The following RELN variants were observed in gnomAD, a reference collection of about 807,000 sequenced individuals.
The protein encoded by RELN is reelin.
A neutral mutation model predicts 427.6 loss-of-function variants in RELN; 108 were observed. That is an observed-to-expected ratio of 0.25 (90% confidence interval 0.22 to 0.30). The LOEUF is 0.30. Ranked by LOEUF, RELN falls within the 10% of genes least tolerant of loss-of-function variation. The pLI, the probability that RELN is intolerant of heterozygous loss-of-function variation, is 1.00. For missense variants in RELN, 3,715 were observed against 4,302.8 expected, an observed-to-expected ratio of 0.86 and a Z score of 3.82; for synonymous variants, 1,524 against 1,513.4, an observed-to-expected ratio of 1.01 and a Z score of -0.16.
At chr7:103,922,294 C>T (rs1795631762) in intron 1 of RELN, among the ~76,000 whole-genome samples, 1 of 152,068 alleles carries the variant, frequency 6.6e-6, no homozygotes, top group Non-Finnish European at 1.5e-5. Context: ...TTGGATTTTA[C>T]ATTTAACCAT....
rs186101234 is a variant in RELN at position 103,532,061 on chromosome 7, C to T, written c.7349+3255G>A. Among the ~76,000 whole-genome samples, 70 of 152,240 alleles carry T rather than the reference C, an allele frequency of 4.6e-4. 1 individual carries two copies. Among genetic ancestry groups the T allele is most frequent in the South Asian group, 8.3e-4 (4 of 4,822 alleles). ...AACCTAATAGCCCATCAATGATAGA[C>T]TGGATAAAGAAAATGTGGTACATAT... On this transcript the variant is annotated intron_variant, in intron 46 of 64. Coordinates refer to ENST00000428762, the MANE Select transcript of RELN (RefSeq NM_005045.4).
intron 46 of RELN, among the ~76,000 whole-genome samples, chr7:103,532,504 A>T (rs190908797): frequency 2.0e-5 from 3 of 152,238 alleles, no homozygotes; most frequent in Admixed American, 2.0e-4. Context: ...AAATCTGTTC[A>T]TGTCTCCCTA....
intron 53 of RELN, 66 bp downstream of exon 53, chr7:103,500,679 A>C (rs989861101): frequency 1.3e-6 from 2 of 1,522,414 alleles, no homozygotes; most frequent in African/African-American, 2.7e-5. Context: ...TGTCTCATAC[A>C]TAAGTTGGTT....
At chr7:103,917,529 G>A (rs1563090183) in intron 1 of RELN, among the ~76,000 whole-genome samples, 1 of 147,250 alleles carries the variant, frequency 6.8e-6, no homozygotes, top group African/African-American at 2.5e-5. Context: ...CATTGCTGGA[G>A]TTTTGGCATT....
intron 4 of RELN, among the ~76,000 whole-genome samples, chr7:103,768,677 A>T (rs1290403276): frequency 6.6e-6 from 1 of 152,246 alleles, no homozygotes; most frequent in Non-Finnish European, 1.5e-5. Context: ...TGTTAAAAAA[A>T]CCAAAAAGTT....
intron 19 of RELN, among the ~76,000 whole-genome samples, chr7:103,634,530 T>A (rs1832536608): frequency 6.6e-6 from 1 of 152,120 alleles, no homozygotes; most frequent in Non-Finnish European, 1.5e-5. Context: ...CAAGTAAGAC[T>A]TAAATCTGAC....
Position 103,529,558 on chromosome 7 carries a change from G to A in RELN, c.7349+5758C>T, listed in dbSNP as rs573022741. Among the ~76,000 whole-genome samples, 3 of 152,142 alleles carry A rather than the reference G, an allele frequency of 2.0e-5. No individual in the cohort carries two copies. In the East Asian group the frequency reaches 5.8e-4, roughly 29 times the overall value. ...GCCACCTCTTACTTTTAGGTCTGGGGTTAGTAAGGTGGAGGAGGCAGATTC... is the reference window on the plus strand; with the variant it reads ...GCCACCTCTTACTTTTAGGTCTGGGATTAGTAAGGTGGAGGAGGCAGATTC... On this transcript the variant is annotated intron_variant, in intron 46 of 64. Transcript: ENST00000428762.
intron 3 of RELN, among the ~76,000 whole-genome samples, chr7:103,831,908 G>T (rs187372283): frequency 6.6e-6 from 1 of 152,144 alleles, no homozygotes; most frequent in Non-Finnish European, 1.5e-5. Context: ...AAAAACGGGC[G>T]AGAGGTGAGC....
rs533322741 is a variant in RELN at position 103,672,099 on chromosome 7, C to T, written c.1289+10017G>A. 2.6e-4 allele frequency among the ~76,000 whole-genome samples: 39 copies of T among 152,098 alleles called. 1 individual carries two copies. Among genetic ancestry groups the T allele is most frequent in the African/African-American group, 8.2e-4 (34 of 41,492 alleles). ...GGAAAATAAGATGCTTAAACTGTTC[C>T]GAAGAGCTCTAAAGAAATTTCAGCC... On this transcript the variant is annotated intron_variant, in intron 11 of 64. Transcript: ENST00000428762.
At chr7:103,825,228 T>C (rs1793106242) in intron 3 of RELN, among the ~76,000 whole-genome samples, 2 of 152,016 alleles carry the variant, frequency 1.3e-5, no homozygotes, top group African/African-American at 2.4e-5. Context: ...TAAAATCTTG[T>C]AGCAGGGAAG....
intron 21 of RELN, 116 bp downstream of exon 21, chr7:103,611,495 C>A: frequency 2.6e-6 from 2 of 764,794 alleles, no homozygotes; most frequent in Non-Finnish European, 2.2e-6. Context: ...TATTAAATAA[C>A]ACTGTTTCTT....
intron 2 of RELN, among the ~76,000 whole-genome samples, chr7:103,889,972 T>G (rs1235935658): frequency 6.6e-6 from 1 of 152,164 alleles, no homozygotes; most frequent in Non-Finnish European, 1.5e-5. Context: ...TCTGGCCAAA[T>G]AGTTACCACC....
intron 2 of RELN, among the ~76,000 whole-genome samples, chr7:103,889,799 TA>T (rs1436120444): frequency 6.6e-6 from 1 of 152,144 alleles, no homozygotes; most frequent in African/African-American, 2.4e-5. Context: ...AATAAGACAC[TA>T]TAAAAAGCAC....
chr7:103,486,497 G>A (rs1268491449), intron 60 of RELN, 81 bp from the exon 61 acceptor site: 1 of 981,296 alleles, frequency 1.0e-6, no homozygotes, highest in Non-Finnish European at 1.5e-6. Context: ...TCAAGTTCAG[G>A]TTTAAGTAGT....
intron 7 of RELN, 80 bp downstream of exon 7, chr7:103,728,031 G>C (rs1023649284): frequency 1.5e-6 from 2 of 1,304,492 alleles, no homozygotes; most frequent in African/African-American, 1.5e-5. Flanking sequence ...TGAACTTTAA[G>C]AGCATAAGAA....
At chr7:103,882,553 C>T (rs1173559254) in intron 2 of RELN, among the ~76,000 whole-genome samples, 1 of 151,504 alleles carries the variant, frequency 6.6e-6, no homozygotes, top group Non-Finnish European at 1.5e-5. Context: ...AACCGCTAAC[C>T]AGAATAATAA....
chr7:103,570,811 T>C (rs1830865858), intron 31 of RELN, among the ~76,000 whole-genome samples: 1 of 152,050 alleles, frequency 6.6e-6, no homozygotes, highest in Non-Finnish European at 1.5e-5. Context: ...AATCATTTTA[T>C]TTAGCCCACT....
At chr7:103,842,383 T>C (rs1793573318) in intron 2 of RELN, among the ~76,000 whole-genome samples, 1 of 152,202 alleles carries the variant, frequency 6.6e-6, no homozygotes, top group South Asian at 2.1e-4. Flanking sequence ...TTAATTCAAA[T>C]ATGAATAACT....
At chr7:103,586,141 A>G (rs113849568) in intron 28 of RELN, among the ~76,000 whole-genome samples, 45 of 152,220 alleles carry the variant, frequency 3.0e-4, no homozygotes, top group Middle Eastern at 3.4e-3. Flanking sequence ...AGGAGGGTGG[A>G]TCACAAGGTC....
Sources: gnomAD v4.1 joint callset for allele counts (sites outside exome capture counted in the v4.1 genomes callset) on GRCh38, gnomAD v4.1.1 for gene constraint, MANE v1.5 for transcripts, NCBI Gene and HGNC (gene_info 2026-07-23, HGNC 2026-07-21) for gene names.